The following CSF3R variants were observed in gnomAD, a reference collection of about 807,000 sequenced individuals.
CSF3R encodes the protein colony stimulating factor 3 receptor.
In CSF3R, 52 loss-of-function variants were observed where a neutral mutation model predicts 84.4. The observed-to-expected ratio is 0.62, with a 90% CI of 0.49 to 0.78. The LOEUF is 0.78. CSF3R is among the 30% of genes least tolerant of loss of function. The pLI is 0.00. For missense variants in CSF3R, 890 were observed against 1,055.7 expected, an observed-to-expected ratio of 0.84 and a Z score of 2.17; for synonymous variants, 384 against 429.1, an observed-to-expected ratio of 0.89 and a Z score of 1.30.
At chr1:36,475,233 C>T in intron 4 of CSF3R, 144 bp downstream of exon 4, 1 of 999,654 alleles carries the variant, frequency 1.0e-6, no homozygotes. Flanking sequence ...TCATGAACTC[C>T]TGACCTCAGG....
In CSF3R at chr1:36,467,133, G is replaced by T; in HGVS notation, c.2040+97C>A. 7.1e-7 allele frequency: 1 copy of T among 1,404,002 alleles called. No individual in the cohort carries two copies. The highest frequency in any genetic ancestry group is 1.0e-6 in the Non-Finnish European group (1 of 991,070). 87.0% of individuals were successfully genotyped at this position (1,404,002 alleles called of 1,614,324 possible). ...AAAGGGACGAGATGTTGCCGGAAGT[G>T]ACAGGAAGGCCTGAGTACTTGGCTT... is the stretch of plus-strand genomic sequence containing the variant. On this transcript the variant is annotated intron_variant, in intron 16 of 16. Transcript: ENST00000373106. The surrounding 1 kb of genome is among the most constrained non-coding windows in gnomAD (Gnocchi z 4.1).
In CSF3R at chr1:36,467,024, G is replaced by C; in HGVS notation, c.2041-197C>G. The C allele has an allele frequency of 7.1e-7, 1 of 1,408,758 alleles. No homozygotes were observed. Among genetic ancestry groups the C allele is most frequent in the Admixed American group, 1.9e-5 (1 of 51,800 alleles). 87.3% of individuals were successfully genotyped at this position (1,408,758 alleles called of 1,614,324 possible). A position where few individuals can be genotyped will look rare whatever the true frequency, so the allele number is the denominator to read the frequency against. ...GCCATGCACCGTTCAGACTCAGCAT[G>C]GTCAGTTTTTCCATATCACAGGGAG... is the stretch of plus-strand genomic sequence containing the variant. On this transcript the variant is annotated intron_variant, in intron 16 of 16. Transcript: ENST00000373106. The surrounding 1 kb of genome is among the most constrained non-coding windows in gnomAD (Gnocchi z 4.1).
At chr1:36,469,108 G>T in intron 12 of CSF3R, 48 bp downstream of exon 12, 1 of 1,370,102 alleles carries the variant, frequency 7.3e-7, no homozygotes, top group Non-Finnish European at 1.0e-6. Flanking sequence ...GCAGAGCCTT[G>T]GGAGAGAGAG....
Position 36,469,395 on chromosome 1 carries a change from C to G in CSF3R, c.1475-138G>C. ...AACCTCCACAATATCTTCTTTAGAT[C>G]ATTTGATGAGAATTAGGGAAGAAAA... On this transcript the variant is annotated intron_variant, in intron 11 of 16. Coordinates refer to ENST00000373106, the MANE Select transcript of CSF3R (RefSeq NM_000760.4). 3.8e-6 allele frequency: 3 copies of G among 798,526 alleles called. No homozygotes were observed. The South Asian group carries it at 4.5e-5, about 12-fold the overall frequency. 49.5% of individuals were successfully genotyped at this position (798,526 alleles called of 1,614,324 possible). A position where few individuals can be genotyped will look rare whatever the true frequency, so the allele number is the denominator to read the frequency against.
rs1394307212 is a variant in CSF3R, at chr1:36,466,730, T to C, written c.2138A>G (p.Asn713Ser). 7 of 1,614,030 alleles carry C rather than the reference T, an allele frequency of 4.3e-6. No homozygotes were observed. Among genetic ancestry groups the C allele is most frequent in the Non-Finnish European group, 5.9e-6 (7 of 1,180,034 alleles). Reference protein sequence around the residue: ...EKKPVPWESHNSSETCGLPTL... With the variant: ...EKKPVPWESHSSSETCGLPTL... ...GGGGAGGCCACAGGTCTCTGAGCTGTTATGGGACTCCCAGGGCACCGGCTT... is the reference window on the plus strand; with the variant it reads ...GGGGAGGCCACAGGTCTCTGAGCTGCTATGGGACTCCCAGGGCACCGGCTT... Residue 713 changes from asparagine (N) to serine (S), a missense_variant, in exon 17 of 17, where the codon AAC becomes AGC. Physicochemically the swap from Asn to Ser is conservative, Grantham distance 46. Transcript: ENST00000373106. This position sits in a 1 kb window ranked among gnomAD's most constrained non-coding sequence, Gnocchi z 4.6.
In CSF3R at chr1:36,479,440, G is replaced by T. The variant is rs1017813822; in HGVS notation, c.57C>A (p.Leu19=). ...LTWAALIILL[L]PGSLEECGHI... ...ATCCTTGGCCATACTCACTTCCGGG[G>T]AGCAGCAGGATGATCAGGGCAGCCC... Residue 19 remains leucine (L), a synonymous_variant, in exon 3 of 17, where the codon CTC becomes CTA. Coordinates refer to ENST00000373106, the MANE Select transcript of CSF3R (RefSeq NM_000760.4). The T allele has an allele frequency of 6.2e-7, 1 of 1,614,052 alleles. No individual in the cohort carries two copies. The highest frequency in any genetic ancestry group is 1.3e-5 in the African/African-American group (1 of 74,920).
At position 36,467,111 on chromosome 1, in the gene CSF3R, G is replaced by A; in HGVS notation, c.2040+119C>T. The A allele has an allele frequency of 1.5e-6, 2 of 1,312,462 alleles. No individual in the cohort carries two copies. Among genetic ancestry groups the A allele is most frequent in the East Asian group, 2.4e-5 (1 of 42,396 alleles). 81.3% of individuals were successfully genotyped at this position (1,312,462 alleles called of 1,614,324 possible). A position where few individuals can be genotyped will look rare whatever the true frequency, so the allele number is the denominator to read the frequency against. The stretch of plus-strand genomic sequence containing the variant: ...AAAGTTGGGTCTGCTTCAGTCCAAA[G>A]GGACGAGATGTTGCCGGAAGTGACA... On this transcript the variant is annotated intron_variant, in intron 16 of 16. Coordinates refer to ENST00000373106, the MANE Select transcript of CSF3R (RefSeq NM_000760.4). This position sits in a 1 kb window ranked among gnomAD's most constrained non-coding sequence, Gnocchi z 4.1.
At chr1:36,475,249 C>T (rs1048235865) in intron 4 of CSF3R, 128 bp downstream of exon 4, 11 of 1,158,022 alleles carry the variant, frequency 9.5e-6, no homozygotes, top group South Asian at 5.0e-5. Flanking sequence ...TCAGGTGATC[C>T]GCCTGCCTCG....
chr1:36,466,314 A>G lies in CSF3R; in HGVS notation c.*43T>C. Reference sequence around the variant, plus strand: ...CCCTCCCCTCTTCTCCAGCTAGCTCAGGCCTTTAAGAGGCAGGCCCAAGAA... The same window carrying G: ...CCCTCCCCTCTTCTCCAGCTAGCTCGGGCCTTTAAGAGGCAGGCCCAAGAA... On this transcript the variant is annotated 3_prime_UTR_variant, in exon 17 of 17. Transcript: ENST00000373106. The surrounding 1 kb of genome is among the most constrained non-coding windows in gnomAD (Gnocchi z 4.6). The G allele has an allele frequency of 6.2e-7, 1 of 1,612,038 alleles. No individual in the cohort carries two copies. Among genetic ancestry groups the G allele is most frequent in the Non-Finnish European group, 8.5e-7 (1 of 1,179,720 alleles).
intron 1 of CSF3R, 29 bp downstream of exon 1, chr1:36,482,782 C>T (rs1211706859): frequency 1.3e-5 from 2 of 152,452 alleles, no homozygotes; most frequent in Non-Finnish European, 2.9e-5. Flanking sequence ...GCCCAAGGCT[C>T]AGCCCCTCTC....
chr1:36,469,321 T>C, intron 11 of CSF3R, 64 bp from the exon 12 acceptor site: 1 of 1,305,450 alleles, frequency 7.7e-7, no homozygotes, highest in South Asian at 1.2e-5. Flanking sequence ...GATCAGGAGC[T>C]AGCCTCAGAC....
chr1:36,474,816 C>T (rs895275675), intron 4 of CSF3R, among the ~76,000 whole-genome samples: 15 of 152,052 alleles, frequency 9.9e-5, no homozygotes, highest in African/African-American at 3.4e-4. Context: ...ACAACACTGG[C>T]TTTAGAGCCA....
In CSF3R at chr1:36,466,793, G is replaced by C. The variant is rs1557586176; in HGVS notation, c.2075C>G (p.Pro692Arg). Residue 692 changes from proline (P) to arginine (R), a missense_variant, in exon 17 of 17, where the codon CCC (proline) becomes CGC (arginine). Transcript: ENST00000373106. The surrounding 1 kb of genome is among the most constrained non-coding windows in gnomAD (Gnocchi z 4.6). ...CTCCAGCACTGTGAGCTTGGTGATG[G>C]GTGGCGTGCCAAGGCCGGGCAGCTG... The part of the protein sequence containing the change: ...AFQLPGLGTP[P>R]ITKLTVLEED... 1 of 1,614,202 alleles carries C rather than the reference G, an allele frequency of 6.2e-7. No individual in the cohort carries two copies. The highest frequency in any genetic ancestry group is 8.5e-7 in the Non-Finnish European group (1 of 1,180,034).
At chr1:36,478,792 A>G in intron 3 of CSF3R, 1 of 174,690 alleles carries the variant, frequency 5.7e-6, no homozygotes. Context: ...TTGAGGCTGC[A>G]GTGAGCTGCG....
chr1:36,476,828 T>C (rs1446647458), intron 3 of CSF3R, among the ~76,000 whole-genome samples: 2 of 151,762 alleles, frequency 1.3e-5, no homozygotes, highest in African/African-American at 4.9e-5. Flanking sequence ...ACCTTGCTAA[T>C]TTTTTGATTT....
chr1:36,476,560 C>T (rs1266858398), intron 3 of CSF3R, among the ~76,000 whole-genome samples: 1 of 152,154 alleles, frequency 6.6e-6, no homozygotes. Flanking sequence ...TATTCTGGCT[C>T]ATTCTTGCTA....
Position 36,467,762 on chromosome 1 carries a change from A to G in CSF3R, c.1864+60T>C. The G allele has an allele frequency of 6.2e-6, 10 of 1,614,006 alleles. No homozygotes were observed. The South Asian group carries it at 9.9e-5, about 16-fold the overall frequency. On this transcript the variant is annotated intron_variant, in intron 14 of 16. Coordinates refer to ENST00000373106, the MANE Select transcript of CSF3R (RefSeq NM_000760.4). The surrounding 1 kb of genome is among the most constrained non-coding windows in gnomAD (Gnocchi z 4.1). ...GTCCCCAGCTACTCTCAAAATCAGC[A>G]TCCTTTGGGTGGGGTACCCTCCAAA... is the stretch of plus-strand genomic sequence containing the variant.
At chr1:36,479,181 G>A (rs3918009) in intron 3 of CSF3R, 4 of 555,412 alleles carry the variant, frequency 7.2e-6, no homozygotes, top group Non-Finnish European at 3.3e-6. Flanking sequence ...AGAGATTTGC[G>A]GACAAGATCT....
chr1:36,481,285 G>A (rs1651502616), intron 2 of CSF3R, among the ~76,000 whole-genome samples, 193 bp downstream of exon 2: 1 of 152,154 alleles, frequency 6.6e-6, no homozygotes, highest in East Asian at 1.9e-4. Flanking sequence ...CCTTCCCCTG[G>A]GTGCTGGGTG....
Sources: gnomAD v4.1 joint callset for allele counts (sites outside exome capture counted in the v4.1 genomes callset) on GRCh38, gnomAD v4.1.1 for gene constraint, Gnocchi (gnomAD v3.1) non-coding constraint, MANE v1.5 for transcripts, NCBI Gene and HGNC (gene_info 2026-07-23, HGNC 2026-07-21) for gene names.